The following KHDRBS2 variants were observed in gnomAD, a reference collection of about 807,000 sequenced individuals.
The protein encoded by KHDRBS2 is KH domain-containing, RNA-binding, signal transduction-associated protein 2.
A neutral mutation model predicts 44.3 loss-of-function variants in KHDRBS2; 26 were observed. The observed-to-expected ratio is 0.59, with a 90% confidence interval of 0.43 to 0.81. KHDRBS2 has a LOEUF of 0.81. KHDRBS2 is among the 40% of genes least tolerant of loss of function. The pLI is 0.00. For synonymous variants in KHDRBS2, 194 were observed against 151.1 expected (o/e 1.28, Z -2.08); for missense variants, 476 against 433.1 (o/e 1.10, Z -0.88).
At position 62,286,096 on chromosome 6, in the gene KHDRBS2, A is replaced by G. The variant is rs978112987; in HGVS notation, c.-148T>C. 1 of 597,320 alleles carries G rather than the reference A, an allele frequency of 1.7e-6. No individual in the cohort carries two copies. Among genetic ancestry groups the G allele is most frequent in the Non-Finnish European group, 2.9e-6 (1 of 339,952 alleles). 37.0% of individuals were successfully genotyped at this position (597,320 alleles called of 1,614,324 possible). On this transcript the variant is annotated 5_prime_UTR_variant, in exon 1 of 9. Transcript: ENST00000281156. ...TGCGTCCTCACTGGCCCATGCACCC[A>G]GCACCTGCGACTCCCGCCGTCGGGC...
intron 3 of KHDRBS2, among the ~76,000 whole-genome samples, chr6:61,987,570 C>T (rs1378567035): frequency 2.6e-5 from 4 of 152,104 alleles, no homozygotes; most frequent in Non-Finnish European, 5.9e-5. Context: ...CTATTGTCTG[C>T]ACAGCTTTTA....
chr6:61,543,012 A>G, the KHDRBS2 span, among the ~76,000 whole-genome samples: 1 of 152,000 alleles, frequency 6.6e-6, no homozygotes, highest in Non-Finnish European at 1.5e-5. Context: ...TGAAACTCCT[A>G]AAATAAACAT....
intron 6 of KHDRBS2, among the ~76,000 whole-genome samples, chr6:61,817,837 C>G (rs1464550573): frequency 6.6e-6 from 1 of 151,748 alleles, no homozygotes; most frequent in African/African-American, 2.4e-5. Flanking sequence ...CCAATTAACT[C>G]TGGCTCTATT....
At chr6:61,610,200 T>C in the KHDRBS2 span, among the ~76,000 whole-genome samples, 77 of 68,196 alleles carry the variant, frequency 1.1e-3, no homozygotes, top group Middle Eastern at 5.8e-3. Flanking sequence ...AAAAAAAAAA[T>C]TGAAAACAAA....
At chr6:61,835,768 A>G (rs1792576717) in intron 6 of KHDRBS2, among the ~76,000 whole-genome samples, 1 of 151,486 alleles carries the variant, frequency 6.6e-6, no homozygotes, top group Admixed American at 6.6e-5. Flanking sequence ...AGAGAGAGAG[A>G]GAGAGACTTC....
chr6:62,260,192 A>G (rs1838112301), intron 1 of KHDRBS2, among the ~76,000 whole-genome samples: 1 of 152,044 alleles, frequency 6.6e-6, no homozygotes, highest in African/African-American at 2.4e-5. Context: ...TGAAGTAATA[A>G]GCACCAGTTA....
chr6:61,666,608 G>A, the KHDRBS2 span, among the ~76,000 whole-genome samples: 1 of 151,382 alleles, frequency 6.6e-6, no homozygotes, highest in Admixed American at 6.6e-5. Flanking sequence ...TCTGACCACA[G>A]GAATGAAAAT....
intron 6 of KHDRBS2, among the ~76,000 whole-genome samples, chr6:61,827,881 T>C (rs1437489935): frequency 1.3e-5 from 2 of 152,162 alleles, no homozygotes; most frequent in African/African-American, 4.8e-5. Context: ...AAGGCCTTAT[T>C]CTCAAATACC....
the KHDRBS2 span, among the ~76,000 whole-genome samples, chr6:61,639,804 T>C: frequency 1.3e-5 from 2 of 152,068 alleles, no homozygotes; most frequent in African/African-American, 4.8e-5. Context: ...AGTTATGATA[T>C]TGCTTTAGAA....
intron 2 of KHDRBS2, among the ~76,000 whole-genome samples, chr6:62,070,543 T>A (rs1317493740): frequency 6.6e-6 from 1 of 151,792 alleles, no homozygotes; most frequent in East Asian, 2.0e-4. Context: ...ACTGTGTCCA[T>A]GTGTTCTCAT....
chr6:62,102,450 G>A (rs1802123698), intron 2 of KHDRBS2, among the ~76,000 whole-genome samples: 1 of 152,160 alleles, frequency 6.6e-6, no homozygotes, highest in African/African-American at 2.4e-5. Context: ...CCCAAAGAGG[G>A]TGTTACAGCA....
chr6:62,112,112 G>T (rs912631085), intron 2 of KHDRBS2, among the ~76,000 whole-genome samples: 30 of 152,084 alleles, frequency 2.0e-4, no homozygotes, highest in Admixed American at 1.8e-3. Context: ...AAGGCAAGGT[G>T]CCTCAATGGA....
At chr6:62,234,839 A>C (rs1022025102) in intron 1 of KHDRBS2, among the ~76,000 whole-genome samples, 1 of 151,958 alleles carries the variant, frequency 6.6e-6, no homozygotes, top group African/African-American at 2.4e-5. Flanking sequence ...TAGATTTGAC[A>C]AAGATTAAAA....
At chr6:61,937,622 A>G (rs1397099701) in intron 4 of KHDRBS2, among the ~76,000 whole-genome samples, 1 of 152,092 alleles carries the variant, frequency 6.6e-6, no homozygotes, top group Non-Finnish European at 1.5e-5. Context: ...TATAAGGCTG[A>G]AAATCAGTCA....
chr6:62,059,208 T>TTTTG (rs1791068409), intron 2 of KHDRBS2, among the ~76,000 whole-genome samples: 2 of 112,576 alleles, frequency 1.8e-5, no homozygotes, highest in Non-Finnish European at 1.8e-5. Context: ...GTTTTTTTTT[T>TTTTG]TTTTTTTTTT....
chr6:61,957,413 A>G (rs1767620256), intron 4 of KHDRBS2, among the ~76,000 whole-genome samples: 1 of 152,192 alleles, frequency 6.6e-6, no homozygotes, highest in Non-Finnish European at 1.5e-5. Context: ...TCAAAAGTAA[A>G]TGGGAGAAAT....
chr6:61,811,376 T>C (rs1178049519), intron 6 of KHDRBS2, among the ~76,000 whole-genome samples: 2 of 152,164 alleles, frequency 1.3e-5, no homozygotes, highest in African/African-American at 2.4e-5. Flanking sequence ...GTTTATTCCA[T>C]GTCTTTGCTA....
chr6:61,774,227 C>T (rs2127578240), intron 6 of KHDRBS2, among the ~76,000 whole-genome samples: 1 of 152,240 alleles, frequency 6.6e-6, no homozygotes, highest in Admixed American at 6.5e-5. Context: ...CTATAAATTA[C>T]TTTGGGCAGT....
At chr6:61,553,524 G>T in the KHDRBS2 span, among the ~76,000 whole-genome samples, 1 of 151,946 alleles carries the variant, frequency 6.6e-6, no homozygotes, top group Non-Finnish European at 1.5e-5. Context: ...TTTGATTTTG[G>T]TTATTTCTTG....
Sources: allele counts gnomAD v4.1 joint callset (sites outside exome capture counted in the v4.1 genomes callset), GRCh38; gene constraint gnomAD v4.1.1; transcripts MANE v1.5; gene names NCBI Gene and HGNC (gene_info 2026-07-23, HGNC 2026-07-21).